Variants in DLX4 observed in about 807,000 individuals in gnomAD.
DLX4 encodes the protein homeobox protein DLX-4.
Under a neutral mutation model 17.1 loss-of-function variants are expected in DLX4, and 13 were observed. The observed-to-expected ratio is 0.76, with a 90% CI of 0.49 to 1.21. The LOEUF (loss-of-function observed/expected upper bound fraction) is 1.21. DLX4 is among the 50% of genes most tolerant of loss of function. The pLI is 0.00. For missense variants in DLX4, 297 were observed against 301.4 expected, an observed-to-expected ratio of 0.99 and a Z score of 0.11; for synonymous variants, 129 against 140.3, an observed-to-expected ratio of 0.92 and a Z score of 0.57.
rs1905526869 is a variant in DLX4 at position 49,972,099 on chromosome 17, C to G, written c.284-974C>G. ...CATTGCCTGGGACCTCTGCAGCGTC[C>G]CCGTAGAGCCGCGCAGGTTAGGGTG... On this transcript the variant is annotated intron_variant, in intron 1 of 2. Coordinates refer to ENST00000240306, the MANE Select transcript of DLX4 (RefSeq NM_138281.3). The surrounding 1 kb of genome is among the most constrained non-coding windows in gnomAD (Gnocchi z 5.4). 1 of 152,442 alleles carries G rather than the reference C, an allele frequency of 6.6e-6. No individual in the cohort carries two copies. Among genetic ancestry groups the G allele is most frequent in the Non-Finnish European group, 1.5e-5 (1 of 68,122 alleles). The allele number at this position is 152,442 out of a possible 1,614,324, so 9.4% of individuals were successfully genotyped here.
chr17:49,972,631 G>A lies in DLX4; in HGVS notation c.284-442G>A. On this transcript the variant is annotated intron_variant, in intron 1 of 2. Coordinates refer to ENST00000240306, the MANE Select transcript of DLX4 (RefSeq NM_138281.3). The surrounding 1 kb of genome is among the most constrained non-coding windows in gnomAD (Gnocchi z 5.4). Reference sequence around the variant, plus strand: ...CGCGGACACCGTCTCAAGCCTCTGAGCATTGCTCTGAGCCTCTGCCTGCAA... The same window carrying A: ...CGCGGACACCGTCTCAAGCCTCTGAACATTGCTCTGAGCCTCTGCCTGCAA... The A allele has an allele frequency of 1.2e-6, 1 of 810,588 alleles. No individual in the cohort carries two copies. The allele number at this position is 810,588 out of a possible 1,614,324, so 50.2% of individuals were successfully genotyped here. A position where few individuals can be genotyped will look rare whatever the true frequency, so the allele number is the denominator to read the frequency against.
Position 49,973,393 on chromosome 17 carries a change from G to C in DLX4, c.480+124G>C, listed in dbSNP as rs560535958. The C allele has an allele frequency of 5.0e-6, 7 of 1,391,472 alleles. No individual in the cohort carries two copies. In the African/African-American group the frequency reaches 7.2e-5, roughly 14 times the overall value. 86.2% of individuals were successfully genotyped at this position (1,391,472 alleles called of 1,614,324 possible). ...TGGCCCTGTTGTCACAGTTCTCCAG[G>C]GAATGTTCATAGCTGGCTCTTAGTA... On this transcript the variant is annotated intron_variant, in intron 2 of 2. Transcript: ENST00000240306.
At position 49,972,931 on chromosome 17, in the gene DLX4, C is replaced by T. The variant is rs966379499; in HGVS notation, c.284-142C>T. On this transcript the variant is annotated intron_variant, in intron 1 of 2. Coordinates refer to ENST00000240306, the MANE Select transcript of DLX4 (RefSeq NM_138281.3). The surrounding 1 kb of genome is among the most constrained non-coding windows in gnomAD (Gnocchi z 5.4). Reference sequence around the variant, plus strand: ...CACGCGGAAGGTAGAGGGCAGGGGCCAAGGGGGCGATCCTGGTGGCTGCGC... The same window carrying T: ...CACGCGGAAGGTAGAGGGCAGGGGCTAAGGGGGCGATCCTGGTGGCTGCGC... The T allele has an allele frequency of 6.7e-7, 1 of 1,482,988 alleles. No individual in the cohort carries two copies. Among genetic ancestry groups the T allele is most frequent in the Non-Finnish European group, 9.0e-7 (1 of 1,114,038 alleles). 91.9% of individuals were successfully genotyped at this position (1,482,988 alleles called of 1,614,324 possible). A position where few individuals can be genotyped will look rare whatever the true frequency, so the allele number is the denominator to read the frequency against.
chr17:49,973,427 G>C, intron 2 of DLX4, 158 bp downstream of exon 2: 1 of 1,231,264 alleles, frequency 8.1e-7, no homozygotes, highest in Non-Finnish European at 1.1e-6. Context: ...TAAGCCTTGG[G>C]GGGAATGTGT....
At chr17:49,970,100 C>T (rs1381123474) in intron 1 of DLX4, among the ~76,000 whole-genome samples, 2 of 152,182 alleles carry the variant, frequency 1.3e-5, no homozygotes, top group African/African-American at 4.8e-5. Context: ...GGCCTAGCCC[C>T]TTTGTCAGAA....
intron 1 of DLX4, among the ~76,000 whole-genome samples, chr17:49,970,058 G>GA (rs1309597838): frequency 6.6e-6 from 1 of 152,114 alleles, no homozygotes; most frequent in Non-Finnish European, 1.5e-5. Context: ...ACTAGTAACG[G>GA]AAAACTGAAG....
At position 49,969,386 on chromosome 17, in the gene DLX4, C is replaced by A. The variant is rs1053366049; in HGVS notation, c.-83C>A. On this transcript the variant is annotated 5_prime_UTR_variant, in exon 1 of 3. Coordinates refer to ENST00000240306, the MANE Select transcript of DLX4 (RefSeq NM_138281.3). ...TGGCTGGGGGGCCCGTCCGGCCCAA[C>A]GCCGGAGGCTTGGAAAAGAGAGTTG... 3.5e-6 allele frequency: 5 copies of A among 1,442,348 alleles called. No homozygotes were observed. Among genetic ancestry groups the A allele is most frequent in the South Asian group, 2.8e-5 (2 of 70,390 alleles). The allele number at this position is 1,442,348 out of a possible 1,614,324, so 89.3% of individuals were successfully genotyped here.
chr17:49,974,008 T>C lies in DLX4; in HGVS notation c.*65T>C. 1 of 1,500,902 alleles carries C rather than the reference T, an allele frequency of 6.7e-7. No homozygotes were observed. Among genetic ancestry groups the C allele is most frequent in the Non-Finnish European group, 8.9e-7 (1 of 1,124,378 alleles). The allele number at this position is 1,500,902 out of a possible 1,614,324, so 93.0% of individuals were successfully genotyped here. The stretch of plus-strand genomic sequence containing the variant: ...AAGCCCAGGACCCAGGCAGTCCACC[T>C]GCACCCCTTCTGGGCTGGGAGGAAA... On this transcript the variant is annotated 3_prime_UTR_variant, in exon 3 of 3. Coordinates refer to ENST00000240306, the MANE Select transcript of DLX4 (RefSeq NM_138281.3).
At position 49,969,368 on chromosome 17, in the gene DLX4, G is replaced by T; in HGVS notation, c.-101G>T. 1 of 1,341,114 alleles carries T rather than the reference G, an allele frequency of 7.5e-7. No individual in the cohort carries two copies. The highest frequency in any genetic ancestry group is 1.0e-6 in the Non-Finnish European group (1 of 1,004,832). The allele number at this position is 1,341,114 out of a possible 1,614,324, so 83.1% of individuals were successfully genotyped here. On this transcript the variant is annotated 5_prime_UTR_variant, in exon 1 of 3. Transcript: ENST00000240306. ...CTTAAGTGTGGGGGCTGCTGGCTGG[G>T]GGGCCCGTCCGGCCCAACGCCGGAG...
chr17:49,969,277 C>G lies in DLX4; in HGVS notation c.-192C>G. On this transcript the variant is annotated 5_prime_UTR_variant, in exon 1 of 3. Transcript: ENST00000240306. ...GGGAAAGTCATGGGGGGCACCCCCC[C>G]GGAACCCCTTTCCCAGGCGCGCGTT... 1 of 592,194 alleles carries G rather than the reference C, an allele frequency of 1.7e-6. No individual in the cohort carries two copies. The highest frequency in any genetic ancestry group is 2.7e-6 in the Non-Finnish European group (1 of 377,332). The allele number at this position is 592,194 out of a possible 1,614,324, so 36.7% of individuals were successfully genotyped here.
chr17:49,973,219 C>T lies in DLX4; in HGVS notation c.430C>T (p.Leu144=), dbSNP rs1271347136. 5 of 1,614,070 alleles carry T rather than the reference C, an allele frequency of 3.1e-6. No homozygotes were observed. The highest frequency in any genetic ancestry group is 4.2e-6 in the Non-Finnish European group (5 of 1,180,062). Residue 144 remains leucine (L), a synonymous_variant, in exon 2 of 3, where the codon CTG becomes TTG. Coordinates refer to ENST00000240306, the MANE Select transcript of DLX4 (RefSeq NM_138281.3). ...QRFQHTQYLA[L]PERAQLAAQL... ...TTTCCAGCACACGCAGTACCTGGCG[C>T]TGCCCGAGAGGGCCCAGCTGGCAGC... is the stretch of plus-strand genomic sequence containing the variant.
At position 49,969,755 on chromosome 17, in the gene DLX4, A is replaced by C. The variant is rs1159627231; in HGVS notation, c.283+4A>C. The C allele has an allele frequency of 6.3e-7, 1 of 1,584,730 alleles. No homozygotes were observed. Among genetic ancestry groups the C allele is most frequent in the African/African-American group, 1.3e-5 (1 of 74,394 alleles). On this transcript the variant is annotated splice_donor_region_variant and intron_variant, in intron 1 of 2. Transcript: ENST00000240306. ...CACCCTCAGGAACTCGAGGCAGGTA[A>C]GTTCGGCCGTGGAGGCTCTTCCCAC... is the stretch of plus-strand genomic sequence containing the variant.
chr17:49,969,675 C>T lies in DLX4; in HGVS notation c.207C>T (p.Tyr69=), dbSNP rs746001258. 1.2e-6 allele frequency: 2 copies of T among 1,607,588 alleles called. No homozygotes were observed. Among genetic ancestry groups the T allele is most frequent in the South Asian group, 1.1e-5 (1 of 91,046 alleles). ...AGCCAGCGAACCCCGGAGACTCCTA[C>T]CTGTCCTGCCAGCAACCCGCGGCGC... The part of the protein sequence containing the change: ...YTEPANPGDS[Y]LSCQQPAALS... Residue 69 remains tyrosine (Y), a synonymous_variant, in exon 1 of 3, where the codon TAC becomes TAT. Coordinates refer to ENST00000240306, the MANE Select transcript of DLX4 (RefSeq NM_138281.3).
intron 1 of DLX4, 29 bp from the exon 2 acceptor site, chr17:49,973,044 C>T (rs1276400946): frequency 1.2e-6 from 2 of 1,613,138 alleles, no homozygotes; most frequent in Non-Finnish European, 1.7e-6. Context: ...CCCTCCTCGC[C>T]CCCTACACCG....
chr17:49,971,107 T>C (rs1169700281), intron 1 of DLX4, among the ~76,000 whole-genome samples: 1 of 152,176 alleles, frequency 6.6e-6, no homozygotes, highest in Non-Finnish European at 1.5e-5. Flanking sequence ...GTGTGTGTTA[T>C]GTGTTTGGGG....
In DLX4 at chr17:49,972,903, C is replaced by T. The variant is rs995724325; in HGVS notation, c.284-170C>T. On this transcript the variant is annotated intron_variant, in intron 1 of 2. Transcript: ENST00000240306. The surrounding 1 kb of genome is among the most constrained non-coding windows in gnomAD (Gnocchi z 5.4). ...CGCGGTGAACGTGGGGGTTGAAACG[C>T]TCCACGCGGAAGGTAGAGGGCAGGG... is the stretch of plus-strand genomic sequence containing the variant. 6.2e-6 allele frequency: 9 copies of T among 1,454,044 alleles called. No individual in the cohort carries two copies. The highest frequency in any genetic ancestry group is 1.4e-5 in the African/African-American group (1 of 69,752). 90.1% of individuals were successfully genotyped at this position (1,454,044 alleles called of 1,614,324 possible). A position where few individuals can be genotyped will look rare whatever the true frequency, so the allele number is the denominator to read the frequency against.
intron 2 of DLX4, 200 bp downstream of exon 2, chr17:49,973,469 G>A: frequency 2.9e-6 from 3 of 1,028,368 alleles, no homozygotes; most frequent in Non-Finnish European, 4.3e-6. Context: ...CGGGTGGGGT[G>A]GAGTGGGTCA....
Position 49,969,321 on chromosome 17 carries a change from A to G in DLX4, c.-148A>G. The G allele has an allele frequency of 1.1e-6, 1 of 946,776 alleles. No homozygotes were observed. Among genetic ancestry groups the G allele is most frequent in the Non-Finnish European group, 1.5e-6 (1 of 660,928 alleles). The allele number at this position is 946,776 out of a possible 1,614,324, so 58.6% of individuals were successfully genotyped here. Reference sequence around the variant, plus strand: ...GCGCGTTCTCCGCTGAAAGAGGCTCAGAGAGACACTTTCTCCGGGATCTTA... The same window carrying G: ...GCGCGTTCTCCGCTGAAAGAGGCTCGGAGAGACACTTTCTCCGGGATCTTA... On this transcript the variant is annotated 5_prime_UTR_variant, in exon 1 of 3. Coordinates refer to ENST00000240306, the MANE Select transcript of DLX4 (RefSeq NM_138281.3).
chr17:49,969,907 G>C (rs1218514593), intron 1 of DLX4, among the ~76,000 whole-genome samples, 156 bp downstream of exon 1: 2 of 146,932 alleles, frequency 1.4e-5, no homozygotes, highest in Non-Finnish European at 3.0e-5. Flanking sequence ...GGGATGGGGC[G>C]GGAGACACGG....
Sources: allele counts gnomAD v4.1 joint callset (sites outside exome capture counted in the v4.1 genomes callset), GRCh38; gene constraint gnomAD v4.1.1; non-coding constraint Gnocchi (gnomAD v3.1); transcripts MANE v1.5; gene names NCBI Gene and HGNC (gene_info 2026-07-23, HGNC 2026-07-21).